Variants in CNNM2 observed in about 807,000 individuals in gnomAD.
The protein encoded by CNNM2 is cyclin and CBS domain divalent metal cation transport mediator 2.
A neutral mutation model predicts 66.9 loss-of-function variants in CNNM2; 12 were observed. The observed-to-expected ratio is 0.18, with a 90% confidence interval of 0.11 to 0.29. CNNM2 has a LOEUF of 0.29. CNNM2 is among the 10% of genes least tolerant of loss of function. The probability of loss-of-function intolerance (pLI) is 1.00; values close to 1 mark genes in which losing one functional copy is unlikely to be tolerated. For synonymous variants in CNNM2, 557 were observed against 501.8 expected, an observed-to-expected ratio of 1.11 and a Z score of -1.47; for missense variants, 705 against 1,167.7, an observed-to-expected ratio of 0.60 and a Z score of 5.77.
intron 1 of CNNM2, among the ~76,000 whole-genome samples, chr10:103,028,814 C>CTTTTTTTTTTTTTTTTTTTTTTTTTTTTT (rs67846722): frequency 1.6e-5 from 2 of 126,176 alleles, no homozygotes; most frequent in Non-Finnish European, 3.2e-5. Context: ...TTTTCTTTTT[C>CTTTTTTTTTTTTTTTTTTTTTTTTTTTTT]TTTTTTTTTT....
chr10:103,055,226 C>G (rs1349070994), intron 3 of CNNM2, among the ~76,000 whole-genome samples: 1 of 152,206 alleles, frequency 6.6e-6, no homozygotes, highest in Non-Finnish European at 1.5e-5. Context: ...GTGAGAAAGT[C>G]TAAAGCATCC....
intron 1 of CNNM2, among the ~76,000 whole-genome samples, chr10:102,933,136 T>A (rs1450690518): frequency 6.6e-6 from 1 of 152,156 alleles, no homozygotes; most frequent in African/African-American, 2.4e-5. Context: ...TCCATGTGAA[T>A]TTTTCAGGGA....
intron 1 of CNNM2, among the ~76,000 whole-genome samples, chr10:102,921,439 C>T (rs747591302): frequency 2.0e-5 from 3 of 152,072 alleles, no homozygotes; most frequent in Non-Finnish European, 4.4e-5. Flanking sequence ...TGAATGATGT[C>T]CTCTCTAGAA....
chr10:103,053,589 G>T (rs1016384726), intron 2 of CNNM2, among the ~76,000 whole-genome samples: 1 of 152,212 alleles, frequency 6.6e-6, no homozygotes, highest in African/African-American at 2.4e-5. Context: ...TCAAATTGCA[G>T]TGTTCATAAA....
Position 102,918,594 on chromosome 10 carries a change from G to T in CNNM2, c.114G>T (p.Arg38=), listed in dbSNP as rs760048842. Residue 38 remains arginine (R), a synonymous_variant, in exon 1 of 8, where the codon CGG becomes CGT. Transcript: ENST00000369878. The surrounding 1 kb of genome is among the most constrained non-coding windows in gnomAD (Gnocchi z 4.1). ...AARRSLSARG[R]GILQAAAGRL... ...GCCGCAGCCTCAGCGCTCGCGGCCG[G>T]GGGATCCTGCAGGCGGCTGCGGGGC... The T allele has an allele frequency of 1.3e-6, 2 of 1,566,058 alleles. No individual in the cohort carries two copies. The highest frequency in any genetic ancestry group is 1.2e-5 in the South Asian group (1 of 85,812).
At position 103,082,449 on chromosome 10, in the gene CNNM2, C is replaced by T. The variant is rs944744655; in HGVS notation, c.*5269C>T. The T allele has an allele frequency of 3.9e-5, 6 of 152,250 alleles. No individual in the cohort carries two copies. Among genetic ancestry groups the T allele is most frequent in the Non-Finnish European group, 8.8e-5 (6 of 68,044 alleles). The allele number at this position is 152,250 out of a possible 1,614,324, so 9.4% of individuals were successfully genotyped here. A position where few individuals can be genotyped will look rare whatever the true frequency, so the allele number is the denominator to read the frequency against. On this transcript the variant is annotated 3_prime_UTR_variant, in exon 8 of 8. Transcript: ENST00000369878. ...GCCCCAGCCTCGCTTCTGATCATTACTCCCCAAGTCTGAATCTACTGTGAA... is the reference window on the plus strand; with the variant it reads ...GCCCCAGCCTCGCTTCTGATCATTATTCCCCAAGTCTGAATCTACTGTGAA...
In CNNM2 at chr10:102,919,467, G is replaced by C. The variant is rs752759092; in HGVS notation, c.987G>C (p.Thr329=). ...TGGGCAACGTGCTGGTCAACACCAC[G>C]CTCACCATCCTGCTCGACGACATCG... The part of the protein sequence containing the change: ...LLLGNVLVNT[T]LTILLDDIAG... Residue 329 remains threonine (T), a synonymous_variant, in exon 1 of 8, where the codon ACG becomes ACC. Coordinates refer to ENST00000369878, the MANE Select transcript of CNNM2 (RefSeq NM_017649.5). The C allele has an allele frequency of 1.9e-6, 3 of 1,611,956 alleles. No homozygotes were observed. Among genetic ancestry groups the C allele is most frequent in the Non-Finnish European group, 2.5e-6 (3 of 1,180,044 alleles).
At position 103,071,118 on chromosome 10, in the gene CNNM2, C is replaced by T. The variant is rs574082105; in HGVS notation, c.2168-656C>T. The stretch of plus-strand genomic sequence containing the variant: ...CTGTCTGGGGAAAACCGACAATAAT[C>T]AGTTCTTAAGACCTACCTGCCCCAG... On this transcript the variant is annotated intron_variant, in intron 5 of 7. Coordinates refer to ENST00000369878, the MANE Select transcript of CNNM2 (RefSeq NM_017649.5). Among the ~76,000 whole-genome samples, 14 of 152,318 alleles carry T rather than the reference C, an allele frequency of 9.2e-5. No individual in the cohort carries two copies. In the South Asian group the frequency reaches 2.9e-3, roughly 32 times the overall value.
At chr10:103,015,225 G>C (rs2064420624) in intron 1 of CNNM2, among the ~76,000 whole-genome samples, 1 of 152,110 alleles carries the variant, frequency 6.6e-6, no homozygotes, top group African/African-American at 2.4e-5. Flanking sequence ...TAGAGTTTTG[G>C]GGGTGGAGAT....
chr10:102,919,061 C>T lies in CNNM2; in HGVS notation c.581C>T (p.Ser194Leu). 6.2e-7 allele frequency: 1 copy of T among 1,612,282 alleles called. No homozygotes were observed. The highest frequency in any genetic ancestry group is 8.5e-7 in the Non-Finnish European group (1 of 1,179,440). The part of the protein sequence containing the change: ...EKSKSYYLCT[S>L]LSTPALGAGG... The stretch of plus-strand genomic sequence containing the variant: ...AGCAAGTCCTATTACCTGTGCACGT[C>T]GCTCTCCACGCCCGCCCTGGGCGCC... Residue 194 changes from serine (S) to leucine (L), a missense_variant, in exon 1 of 8, where the codon TCG becomes TTG. Around this residue, in one of 9 missense-constraint regions of CNNM2, gnomAD observed 100 missense variants for 151.9 expected, o/e 0.66. Transcript: ENST00000369878.
chr10:103,006,281 A>C (rs1471420545), intron 1 of CNNM2, among the ~76,000 whole-genome samples: 1 of 150,738 alleles, frequency 6.6e-6, no homozygotes, highest in Non-Finnish European at 1.5e-5. Context: ...ATCTTGGCTC[A>C]CTGCAACCTC....
intron 1 of CNNM2, among the ~76,000 whole-genome samples, chr10:103,013,831 T>G (rs2064391012): frequency 6.6e-6 from 1 of 152,220 alleles, no homozygotes; most frequent in Non-Finnish European, 1.5e-5. Flanking sequence ...GTTTAAGTAA[T>G]TAATTCTAGA....
intron 1 of CNNM2, among the ~76,000 whole-genome samples, chr10:102,949,340 T>C (rs899256058): frequency 9.2e-5 from 14 of 151,868 alleles, no homozygotes; most frequent in Non-Finnish European, 2.1e-4. Context: ...CACGCCTGGC[T>C]AATTTTGTAT....
chr10:103,027,858 A>G (rs2064737009), intron 1 of CNNM2, among the ~76,000 whole-genome samples: 1 of 152,134 alleles, frequency 6.6e-6, no homozygotes. Flanking sequence ...TGATTTTTCA[A>G]TTTTTATAGT....
At chr10:103,021,739 T>C (rs539634769) in intron 1 of CNNM2, among the ~76,000 whole-genome samples, 12 of 146,946 alleles carry the variant, frequency 8.2e-5, no homozygotes, top group Admixed American at 7.5e-4. Flanking sequence ...GGTGTTCTCC[T>C]TTTTCTATGG....
intron 1 of CNNM2, among the ~76,000 whole-genome samples, chr10:102,957,873 A>G (rs1847104538): frequency 6.6e-6 from 1 of 152,260 alleles, no homozygotes; most frequent in Non-Finnish European, 1.5e-5. Flanking sequence ...AGAATATAGT[A>G]CTAAAGGGCA....
At chr10:102,932,053 A>G (rs958767979) in intron 1 of CNNM2, among the ~76,000 whole-genome samples, 4 of 151,930 alleles carry the variant, frequency 2.6e-5, no homozygotes, top group African/African-American at 9.7e-5. Flanking sequence ...GAGTTGTAAG[A>G]GTTCTTTTTA....
intron 1 of CNNM2, among the ~76,000 whole-genome samples, chr10:103,031,792 C>CCAT (rs1457366894): frequency 4.6e-5 from 7 of 151,944 alleles, no homozygotes; most frequent in South Asian, 4.2e-4. Flanking sequence ...TTTTAGGAAC[C>CCAT]TATGGAATGG....
chr10:103,047,088 A>G (rs1052864665), intron 1 of CNNM2, among the ~76,000 whole-genome samples: 1 of 152,168 alleles, frequency 6.6e-6, no homozygotes, highest in Non-Finnish European at 1.5e-5. Context: ...CCACCCTTGT[A>G]TGGGTGGGCT....
Sources: gnomAD v4.1 joint callset for allele counts (sites outside exome capture counted in the v4.1 genomes callset) on GRCh38, gnomAD v4.1.1 for gene constraint, gnomAD v4.1.1 regional missense constraint, Gnocchi (gnomAD v3.1) non-coding constraint, MANE v1.5 for transcripts, NCBI Gene and HGNC (gene_info 2026-07-23, HGNC 2026-07-21) for gene names.